Variants in PRORP observed in about 807,000 individuals in gnomAD.
The protein encoded by PRORP is mitochondrial ribonuclease P catalytic subunit.
Under a neutral mutation model 59.4 loss-of-function variants are expected in PRORP, and 51 were observed. That is an observed-to-expected ratio of 0.86 (90% confidence interval 0.69 to 1.08). The LOEUF (loss-of-function observed/expected upper bound fraction) is 1.08, where lower values mean the gene tolerates loss of function less well. Among genes scored for constraint, PRORP ranks in the 50% least tolerant of loss-of-function variants. The probability of loss-of-function intolerance (pLI) is 0.00; values close to 1 mark genes in which losing one functional copy is unlikely to be tolerated. For synonymous variants in PRORP, 231 were observed against 245.6 expected (o/e 0.94, Z 0.55); for missense variants, 646 against 690.3 (o/e 0.94, Z 0.72).
intron 4 of PRORP, chr14:35,158,941 G>A (rs745914964): frequency 2.9e-6 from 1 of 343,154 alleles, no homozygotes. Flanking sequence ...GAATTCAAAC[G>A]TTCTCTTCAC....
intron 5 of PRORP, among the ~76,000 whole-genome samples, chr14:35,188,657 T>C (rs545979210): frequency 7.2e-4 from 109 of 152,098 alleles, no homozygotes; most frequent in African/African-American, 2.6e-3. Context: ...TTTTGTTGCC[T>C]GTGCTTTTGG....
chr14:35,266,317 CAA>C (rs35672758), intron 5 of PRORP, among the ~76,000 whole-genome samples: 124 of 126,390 alleles, frequency 9.8e-4, no homozygotes, highest in East Asian at 1.8e-3. Context: ...AACTCTGTCT[CAA>C]AAAAAAAAAA....
At position 35,231,044 on chromosome 14, in the gene PRORP, G is replaced by A. The variant is rs116755663; in HGVS notation, c.1276-35683G>A. Among the ~76,000 whole-genome samples, 774 of 151,956 alleles carry A rather than the reference G, an allele frequency of 5.1e-3. 8 individuals carry two copies. Among genetic ancestry groups the A allele is most frequent in the African/African-American group, 0.018 (734 of 41,446 alleles). The stretch of plus-strand genomic sequence containing the variant: ...AAATGGATAATACTGGTTGCCTCTC[G>A]GGAGAACAGCTAGGTGGCTGGGGGA... On this transcript the variant is annotated intron_variant, in intron 5 of 7. Transcript: ENST00000534898.
At chr14:35,170,877 T>G (rs915398020) in intron 4 of PRORP, among the ~76,000 whole-genome samples, 3 of 152,032 alleles carry the variant, frequency 2.0e-5, no homozygotes, top group African/African-American at 7.2e-5. Flanking sequence ...GTGACGGAGT[T>G]TCACTCTTGT....
intron 3 of PRORP, among the ~76,000 whole-genome samples, chr14:35,127,117 C>T (rs72664840): frequency 0.18 from 27,351 of 152,000 alleles, 2,624 homozygotes; most frequent in Middle Eastern, 0.27. Flanking sequence ...CTGAGCTGGG[C>T]GCGGTGGCTC....
chr14:35,160,756 G>T (rs187288257), intron 4 of PRORP, among the ~76,000 whole-genome samples: 5 of 152,182 alleles, frequency 3.3e-5, no homozygotes, highest in Non-Finnish European at 5.9e-5. Flanking sequence ...GTCTGCATCT[G>T]TTTTCTCACA....
At chr14:35,160,689 C>A (rs1315449059) in intron 4 of PRORP, among the ~76,000 whole-genome samples, 1 of 149,160 alleles carries the variant, frequency 6.7e-6, no homozygotes, top group East Asian at 2.0e-4. Flanking sequence ...CATTAGTAAA[C>A]TGGGAATTAG....
Position 35,186,278 on chromosome 14 carries a change from G to A in PRORP, c.1275+5501G>A, listed in dbSNP as rs567440757. Among the ~76,000 whole-genome samples, 21 of 151,190 alleles carry A rather than the reference G, an allele frequency of 1.4e-4. 1 individual carries two copies. The highest frequency in any genetic ancestry group is 3.4e-3 in the Middle Eastern group (1 of 294). ...GATTACAGGTATAAACCACCATGCC[G>A]CCTAGATTTTGCTTTTGGCACAATT... On this transcript the variant is annotated intron_variant, in intron 5 of 7. Coordinates refer to ENST00000534898, the MANE Select transcript of PRORP (RefSeq NM_014672.4).
chr14:35,250,249 A>T (rs1352644648), intron 5 of PRORP, among the ~76,000 whole-genome samples: 1 of 151,972 alleles, frequency 6.6e-6, no homozygotes, highest in African/African-American at 2.4e-5. Flanking sequence ...AAAAAGAAAA[A>T]AAAAGATGTC....
intron 4 of PRORP, among the ~76,000 whole-genome samples, chr14:35,162,564 C>G (rs532889120): frequency 3.3e-5 from 5 of 151,760 alleles, no homozygotes; most frequent in African/African-American, 1.2e-4. Context: ...ATTTTAGGAG[C>G]TCTTTATTTG....
At chr14:35,184,342 G>A (rs1465906804) in intron 5 of PRORP, among the ~76,000 whole-genome samples, 1 of 151,916 alleles carries the variant, frequency 6.6e-6, no homozygotes, top group Non-Finnish European at 1.5e-5. Flanking sequence ...TAACTTTTCT[G>A]AAGTCTATGT....
intron 5 of PRORP, among the ~76,000 whole-genome samples, chr14:35,213,672 AAG>A (rs1381159568): frequency 6.6e-6 from 1 of 152,104 alleles, no homozygotes; most frequent in African/African-American, 2.4e-5. Flanking sequence ...GGGGAAAGGG[AAG>A]AGAGGGAGAG....
intron 4 of PRORP, among the ~76,000 whole-genome samples, chr14:35,152,242 G>A (rs540518103): frequency 3.9e-5 from 6 of 152,308 alleles, no homozygotes; most frequent in African/African-American, 1.4e-4. Context: ...AGAGCACAGG[G>A]TTGGGGATAA....
At chr14:35,251,906 A>G (rs1161451114) in intron 5 of PRORP, among the ~76,000 whole-genome samples, 1 of 152,108 alleles carries the variant, frequency 6.6e-6, no homozygotes, top group African/African-American at 2.4e-5. Context: ...CACTGTAAGG[A>G]TAGTGGAGGG....
At chr14:35,180,522 GTA>G (rs1473892810) in intron 4 of PRORP, 146 bp from the exon 5 acceptor site, 13 of 566,014 alleles carry the variant, frequency 2.3e-5, no homozygotes, top group East Asian at 3.0e-5. Flanking sequence ...CATTTGTAGA[GTA>G]TCTGTGTGTG....
intron 5 of PRORP, among the ~76,000 whole-genome samples, chr14:35,263,997 G>A (rs1364984793): frequency 3.3e-5 from 5 of 151,958 alleles, no homozygotes; most frequent in African/African-American, 1.2e-4. Flanking sequence ...CAGGATTGCA[G>A]TGGTACGATT....
chr14:35,166,190 G>A (rs370219186), intron 4 of PRORP, among the ~76,000 whole-genome samples: 1 of 151,860 alleles, frequency 6.6e-6, no homozygotes, highest in Non-Finnish European at 1.5e-5. Flanking sequence ...CTCAAAATTT[G>A]TGCTGCATTT....
chr14:35,199,332 TAAAA>T (rs1167921225), intron 5 of PRORP, among the ~76,000 whole-genome samples: 1 of 107,126 alleles, frequency 9.3e-6, no homozygotes. Context: ...AGACTCCATC[TAAAA>T]AAAAAAAAAA....
At chr14:35,268,247 A>G (rs2051095517) in intron 6 of PRORP, among the ~76,000 whole-genome samples, 1 of 148,574 alleles carries the variant, frequency 6.7e-6, no homozygotes, top group African/African-American at 2.5e-5. Flanking sequence ...CGGGAGGCTG[A>G]GGCAGCAGAA....
Sources: allele counts gnomAD v4.1 joint callset (sites outside exome capture counted in the v4.1 genomes callset), GRCh38; gene constraint gnomAD v4.1.1; transcripts MANE v1.5; gene names NCBI Gene and HGNC (gene_info 2026-07-23, HGNC 2026-07-21).